FANK1: variants seen among roughly 807,000 people sequenced by gnomAD.
FANK1 encodes the protein fibronectin type 3 and ankyrin repeat domains protein 1.
A neutral mutation model predicts 45.3 loss-of-function variants in FANK1; 44 were observed. The ratio of observed to expected loss-of-function variants is 0.97; its 90% CI spans 0.76 to 1.25. FANK1 has a LOEUF of 1.25. Ranked by LOEUF, FANK1 falls within the 50% of genes most tolerant of loss-of-function variation. FANK1 has a pLI of 0.00. For synonymous variants in FANK1, 149 were observed against 152.5 expected (o/e 0.98, Z 0.17); for missense variants, 391 against 424.4 (o/e 0.92, Z 0.69).
chr10:125,977,577 C>T (rs1319273692), intron 1 of FANK1, among the ~76,000 whole-genome samples: 1 of 152,118 alleles, frequency 6.6e-6, no homozygotes, highest in Admixed American at 6.5e-5. Flanking sequence ...CTGGGGTGAT[C>T]TCAGTGTTTA....
At chr10:125,945,370 G>C (rs967119320) in intron 1 of FANK1, among the ~76,000 whole-genome samples, 1 of 152,196 alleles carries the variant, frequency 6.6e-6, no homozygotes, top group Non-Finnish European at 1.5e-5. Flanking sequence ...GTGCCAGACA[G>C]TGGGCGCAGG....
At chr10:125,945,448 G>A (rs938796690) in intron 1 of FANK1, among the ~76,000 whole-genome samples, 1 of 152,250 alleles carries the variant, frequency 6.6e-6, no homozygotes, top group Non-Finnish European at 1.5e-5. Context: ...GGAAGCGCAA[G>A]GGGTCAGGGA....
intron 6 of FANK1, chr10:126,004,623 G>T: frequency 2.5e-6 from 1 of 407,332 alleles, no homozygotes; most frequent in African/African-American, 2.0e-5. Context: ...GACAATATGT[G>T]GCCTTTCATG....
intron 6 of FANK1, among the ~76,000 whole-genome samples, chr10:126,002,024 G>GCC (rs1564969026): frequency 6.6e-6 from 1 of 152,010 alleles, no homozygotes; most frequent in African/African-American, 2.4e-5. Context: ...TAAAAATCAT[G>GCC]CAGATAGGCT....
At chr10:125,995,609 C>A (rs915825709) in intron 4 of FANK1, 111 bp downstream of exon 4, 2 of 961,744 alleles carry the variant, frequency 2.1e-6, no homozygotes, top group African/African-American at 1.6e-5. Context: ...TTTGAAACTG[C>A]CTCCAAAATG....
chr10:125,907,340 CTT>C (rs1324809118), intron 1 of FANK1: 11 of 268,414 alleles, frequency 4.1e-5, no homozygotes, highest in Non-Finnish European at 6.3e-5. Flanking sequence ...TTACCTGAAA[CTT>C]AATGTCTTCA....
intron 1 of FANK1, among the ~76,000 whole-genome samples, chr10:125,953,506 A>G (rs1949384893): frequency 6.6e-6 from 1 of 152,172 alleles, no homozygotes; most frequent in Non-Finnish European, 1.5e-5. Flanking sequence ...AGGATCCTAT[A>G]GGTGAACTTG....
chr10:126,002,977 A>G (rs1952889345), intron 6 of FANK1, among the ~76,000 whole-genome samples: 2 of 151,832 alleles, frequency 1.3e-5, no homozygotes, highest in Non-Finnish European at 2.9e-5. Context: ...CTGTTCCCCA[A>G]AGGTCTTCCA....
intron 7 of FANK1, 145 bp from the exon 8 acceptor site, chr10:126,008,262 A>T: frequency 1.9e-6 from 2 of 1,047,894 alleles, no homozygotes; most frequent in Non-Finnish European, 1.3e-6. Flanking sequence ...AATGTGACTT[A>T]AATTAGCACA....
intron 1 of FANK1, among the ~76,000 whole-genome samples, chr10:125,947,884 T>C (rs1242390037): frequency 7.1e-6 from 1 of 140,408 alleles, no homozygotes; most frequent in East Asian, 2.2e-4. Flanking sequence ...CCTCAGCAAA[T>C]GTAAAAGAAC....
intron 1 of FANK1, among the ~76,000 whole-genome samples, chr10:125,913,357 T>C (rs147097547): frequency 0.016 from 2,488 of 152,304 alleles, 32 homozygotes; most frequent in South Asian, 0.032. Flanking sequence ...AAACTCATTC[T>C]GCATGACACC....
chr10:125,995,509 T>A lies in FANK1; in HGVS notation c.398+11T>A. 6.2e-7 allele frequency: 1 copy of A among 1,613,624 alleles called. No individual in the cohort carries two copies. The highest frequency in any genetic ancestry group is 8.5e-7 in the Non-Finnish European group (1 of 1,179,568). On this transcript the variant is annotated intron_variant, in intron 4 of 10. Coordinates refer to ENST00000368693, the MANE Select transcript of FANK1 (RefSeq NM_145235.5). ...AATACTTCAAGGAGGGTGAGAGAAC[T>A]CTGTCAGTTGTTTTTTTTCCCCCAT...
chr10:125,911,605 A>G (rs1229969582), intron 1 of FANK1, among the ~76,000 whole-genome samples: 1 of 152,248 alleles, frequency 6.6e-6, no homozygotes, highest in East Asian at 1.9e-4. Flanking sequence ...TAATTGTTAA[A>G]TCACTCTCCT....
chr10:125,972,022 C>T (rs1950552729), intron 1 of FANK1, among the ~76,000 whole-genome samples: 1 of 152,128 alleles, frequency 6.6e-6, no homozygotes, highest in Admixed American at 6.6e-5. Context: ...TCATTTTAAT[C>T]CTGGTTCTAC....
intron 6 of FANK1, among the ~76,000 whole-genome samples, chr10:125,999,569 C>T (rs1209785941): frequency 1.3e-5 from 2 of 152,144 alleles, no homozygotes; most frequent in East Asian, 3.9e-4. Context: ...TCATCTCAAT[C>T]AGCCAGTGTC....
In FANK1 at chr10:125,983,586, G is replaced by T. The variant is rs1209650910; in HGVS notation, c.191+3248G>T. Among the ~76,000 whole-genome samples the T allele has an allele frequency of 2.0e-5, 3 of 152,144 alleles. No individual in the cohort carries two copies. The highest frequency in any genetic ancestry group is 4.4e-5 in the Non-Finnish European group (3 of 68,022). ...TAGATCTGAAGCAAGGATACCTGGA[G>T]CCTTGCAACTATCTGGGGGAAGAAC... On this transcript the variant is annotated intron_variant, in intron 2 of 10. Coordinates refer to ENST00000368693, the MANE Select transcript of FANK1 (RefSeq NM_145235.5). The surrounding 1 kb of genome is among the most constrained non-coding windows in gnomAD (Gnocchi z 4.3).
At chr10:125,991,840 A>G (rs538325165) in intron 3 of FANK1, among the ~76,000 whole-genome samples, 25 of 152,284 alleles carry the variant, frequency 1.6e-4, no homozygotes, top group African/African-American at 5.3e-4. Context: ...CCATATTATA[A>G]TATCTGCAGG....
intron 1 of FANK1, among the ~76,000 whole-genome samples, chr10:125,948,471 A>G (rs1295037804): frequency 6.6e-6 from 1 of 152,230 alleles, no homozygotes; most frequent in South Asian, 2.1e-4. Flanking sequence ...ACCATCAGAG[A>G]ATACTACAAA....
intron 1 of FANK1, among the ~76,000 whole-genome samples, chr10:125,935,610 A>G (rs1948044702): frequency 6.6e-6 from 1 of 152,208 alleles, no homozygotes; most frequent in African/African-American, 2.4e-5. Context: ...AAGATTATAA[A>G]TCTGTCTTTT....
Sources: gnomAD v4.1 joint callset for allele counts (sites outside exome capture counted in the v4.1 genomes callset) on GRCh38, gnomAD v4.1.1 for gene constraint, Gnocchi (gnomAD v3.1) non-coding constraint, MANE v1.5 for transcripts, NCBI Gene and HGNC (gene_info 2026-07-23, HGNC 2026-07-21) for gene names.